Variants in ELL observed in about 807,000 individuals in gnomAD.
ELL encodes the protein elongation factor for RNA polymerase II.
ELL carries 18 observed loss-of-function variants against 64.0 expected under a neutral mutation model. That is an observed-to-expected ratio of 0.28 (90% confidence interval 0.19 to 0.42). ELL has a LOEUF of 0.42. ELL is among the 10% of genes least tolerant of loss of function. ELL has a pLI of 1.00. For synonymous variants in ELL, 399 were observed against 376.2 expected, an observed-to-expected ratio of 1.06 and a Z score of -0.70; for missense variants, 797 against 870.4, an observed-to-expected ratio of 0.92 and a Z score of 1.06.
At chr19:18,515,268 GA>G (rs986133665) in intron 1 of ELL, among the ~76,000 whole-genome samples, 1 of 152,224 alleles carries the variant, frequency 6.6e-6, no homozygotes. Flanking sequence ...AATCCACCCA[GA>G]ACCACCAAAT....
chr19:18,451,834 A>G (rs1974545249), intron 6 of ELL, among the ~76,000 whole-genome samples, 186 bp from the exon 7 acceptor site: 1 of 152,132 alleles, frequency 6.6e-6, no homozygotes, highest in African/African-American at 2.4e-5. Context: ...ACTTCACCCA[A>G]AGGAGGACTT....
chr19:18,455,352 G>A (rs111583969), intron 6 of ELL, among the ~76,000 whole-genome samples: 3 of 150,658 alleles, frequency 2.0e-5, no homozygotes, highest in South Asian at 4.3e-4. Flanking sequence ...TTAGCCAGGC[G>A]TGGTGGCGGG....
rs936027336 is a variant in ELL at position 18,507,662 on chromosome 19, C to T, written c.135+14259G>A. On this transcript the variant is annotated intron_variant, in intron 1 of 11. Transcript: ENST00000262809. ...GAAGTGGGCCATGTGAGCGCAGGGG[C>T]TTCATCCCTCCTGCTTCTTACTGGA... 2.0e-5 allele frequency among the ~76,000 whole-genome samples: 3 copies of T among 152,324 alleles called. 1 individual carries two copies. Among genetic ancestry groups the T allele is most frequent in the South Asian group, 4.1e-4 (2 of 4,830 alleles).
rs1250005162 is a variant in ELL, at chr19:18,520,937, CACAA to C, written c.135+980_135+983del. On this transcript the variant is annotated intron_variant, in intron 1 of 11. Transcript: ENST00000262809. The stretch of plus-strand genomic sequence containing the variant: ...CAGACGGGGGGAGGGGGGGCCATGA[CACAA>C]ACAGAAATGAAAAAGGCAGGTTTCT... Among the ~76,000 whole-genome samples the C allele has an allele frequency of 2.1e-4, 32 of 152,150 alleles. 1 individual carries two copies. The Middle Eastern group carries it at 0.017, about 81-fold the overall frequency.
In ELL at chr19:18,465,454, T is replaced by C. The variant is rs371155876; in HGVS notation, c.427A>G (p.Ser143Gly). ...GCCTTGATGACAATGGCACTTCGGC[T>C]CCGCGTCTCCTCCTCCGCCTGGGCC... ...SMAQAEEETRSRSAIVIKAGG... is the reference protein window; with the variant it reads ...SMAQAEEETRGRSAIVIKAGG... Residue 143 changes from serine to glycine, a missense_variant, in exon 4 of 12, where the codon AGC becomes GGC. Transcript: ENST00000262809. 1.9e-6 allele frequency: 3 copies of C among 1,611,776 alleles called. No individual in the cohort carries two copies. The African/African-American group carries it at 4.0e-5, about 22-fold the overall frequency.
chr19:18,446,566 C>T, intron 9 of ELL, 86 bp from the exon 10 acceptor site: 1 of 1,541,228 alleles, frequency 6.5e-7, no homozygotes, highest in Non-Finnish European at 8.7e-7. Context: ...CCACCGGCGG[C>T]CTGGCCTCTC....
At chr19:18,503,612 C>CAG (rs1305908683) in intron 1 of ELL, among the ~76,000 whole-genome samples, 33 of 152,322 alleles carry the variant, frequency 2.2e-4, no homozygotes, top group African/African-American at 7.5e-4. Context: ...AGGGTACGTG[C>CAG]AGAGCCACGG....
In ELL at chr19:18,442,666, A is replaced by C. The variant is rs1974319720; in HGVS notation, c.*2086T>G. The C allele has an allele frequency of 5.4e-6, 1 of 185,116 alleles. No homozygotes were observed. Among genetic ancestry groups the C allele is most frequent in the Non-Finnish European group, 1.1e-5 (1 of 87,148 alleles). 11.5% of individuals were successfully genotyped at this position (185,116 alleles called of 1,614,324 possible). On this transcript the variant is annotated 3_prime_UTR_variant, in exon 12 of 12. Coordinates refer to ENST00000262809, the MANE Select transcript of ELL (RefSeq NM_006532.4). The stretch of plus-strand genomic sequence containing the variant: ...CCAGGCAGCCTGGGCTGCCAGGTTC[A>C]GTTCAGTGAAATTTATTGGAGAATG...
At chr19:18,504,715 C>T (rs1975847287) in intron 1 of ELL, among the ~76,000 whole-genome samples, 1 of 152,194 alleles carries the variant, frequency 6.6e-6, no homozygotes, top group Admixed American at 6.5e-5. Context: ...TGCCAAGGCC[C>T]GAGAGTGACA....
chr19:18,457,879 G>C (rs779551140), intron 6 of ELL, among the ~76,000 whole-genome samples: 2 of 152,202 alleles, frequency 1.3e-5, no homozygotes, highest in Non-Finnish European at 2.9e-5. Context: ...TGCCCAGGTT[G>C]TGGAGGGAAG....
At chr19:18,496,384 CCT>C (rs1205987157) in intron 1 of ELL, among the ~76,000 whole-genome samples, 1 of 152,208 alleles carries the variant, frequency 6.6e-6, no homozygotes, top group Admixed American at 6.5e-5. Flanking sequence ...TCAAAATCTC[CCT>C]GAGGGATGAC....
chr19:18,490,023 G>A (rs1249740100), intron 1 of ELL, among the ~76,000 whole-genome samples: 1 of 152,178 alleles, frequency 6.6e-6, no homozygotes, highest in East Asian at 1.9e-4. Flanking sequence ...CCACCTGCAC[G>A]CGGGGCCAGC....
intron 5 of ELL, among the ~76,000 whole-genome samples, chr19:18,460,295 G>T (rs908792012): frequency 3.1e-4 from 47 of 152,212 alleles, no homozygotes; most frequent in African/African-American, 1.1e-3. Flanking sequence ...CTGCTTGGGG[G>T]GAAGCAGCTG....
chr19:18,446,981 G>A (rs896085059), intron 8 of ELL, among the ~76,000 whole-genome samples, 167 bp from the exon 9 acceptor site: 4 of 152,332 alleles, frequency 2.6e-5, no homozygotes, highest in African/African-American at 9.6e-5. Flanking sequence ...TGAGCCCCTC[G>A]CACCTGGCAA....
At chr19:18,464,482 CCT>C (rs1244740853) in intron 4 of ELL, among the ~76,000 whole-genome samples, 1 of 118,204 alleles carries the variant, frequency 8.5e-6, no homozygotes, top group East Asian at 2.1e-4. Flanking sequence ...ACCCGGGCTC[CCT>C]GGCCATACAA....
chr19:18,462,334 G>GGGGTGTGTGTGT (rs765676443), intron 4 of ELL, among the ~76,000 whole-genome samples: 4 of 90,514 alleles, frequency 4.4e-5, no homozygotes, highest in African/African-American at 2.1e-4. Flanking sequence ...ACTCTAGTGG[G>GGGGTGTGTGTGT]CTGTGTGTGT....
At chr19:18,444,927 T>A in intron 11 of ELL, 59 bp from the exon 12 acceptor site, 2 of 1,541,722 alleles carry the variant, frequency 1.3e-6, no homozygotes, top group Admixed American at 3.7e-5. Context: ...CTCCCCGCTG[T>A]AAGCAGGCCA....
chr19:18,481,151 C>T (rs997733269), intron 1 of ELL, among the ~76,000 whole-genome samples: 6 of 152,190 alleles, frequency 3.9e-5, no homozygotes, highest in Non-Finnish European at 7.3e-5. Context: ...CTGACCCTCC[C>T]CGCACCCTCA....
rs1295088969 is a variant in ELL, at chr19:18,462,365, T to TGTGTGTGTGTGTG, written c.470-514_470-513insCACACACACACAC. Reference sequence around the variant, plus strand: ...TGTGTGTGTGTGTGTGTGTGTGTGTTTGGGCGGGGGGCGGGGGGGGAAGGA... The same window carrying TGTGTGTGTGTGTG: ...TGTGTGTGTGTGTGTGTGTGTGTGTTGTGTGTGTGTGTGTGGGCGGGGGGCGGGGGGGGAAGGA... On this transcript the variant is annotated intron_variant, in intron 4 of 11. Coordinates refer to ENST00000262809, the MANE Select transcript of ELL (RefSeq NM_006532.4). 1.0e-3 allele frequency among the ~76,000 whole-genome samples: 40 copies of TGTGTGTGTGTGTG among 38,812 alleles called. 5 individuals carry two copies. Among genetic ancestry groups the TGTGTGTGTGTGTG allele is most frequent in the African/African-American group, 3.4e-3 (17 of 5,068 alleles). The allele number at this position is 38,812 out of a possible 152,430, so 25.5% of individuals were successfully genotyped here.
Sources: gnomAD v4.1 joint callset for allele counts (sites outside exome capture counted in the v4.1 genomes callset) on GRCh38, gnomAD v4.1.1 for gene constraint, MANE v1.5 for transcripts, NCBI Gene and HGNC (gene_info 2026-07-23, HGNC 2026-07-21) for gene names.